ROBO2: variants seen among roughly 807,000 people sequenced by gnomAD.
ROBO2 encodes roundabout guidance receptor 2.
Under a neutral mutation model 160.8 loss-of-function variants are expected in ROBO2, and 53 were observed. The ratio of observed to expected loss-of-function variants is 0.33; its 90% CI spans 0.26 to 0.41. The LOEUF (loss-of-function observed/expected upper bound fraction) is 0.41. ROBO2 is among the 10% of genes least tolerant of loss of function. The pLI, the probability that ROBO2 is intolerant of heterozygous loss-of-function variation, is 1.00. For missense variants in ROBO2, 1,577 were observed against 1,722.4 expected, an observed-to-expected ratio of 0.92 and a Z score of 1.49; for synonymous variants, 664 against 611.7, an observed-to-expected ratio of 1.09 and a Z score of -1.26.
At chr3:76,742,095 C>A (rs1447491970) in intron 2 of ROBO2, among the ~76,000 whole-genome samples, 1 of 151,950 alleles carries the variant, frequency 6.6e-6, no homozygotes, top group Non-Finnish European at 1.5e-5. Flanking sequence ...ATTTGAATAC[C>A]TTCATGAGAG....
At chr3:77,494,791 A>G (rs114603635) in intron 5 of ROBO2, among the ~76,000 whole-genome samples, 225 of 152,344 alleles carry the variant, frequency 1.5e-3, no homozygotes, top group African/African-American at 5.2e-3. Flanking sequence ...CATGTCACTC[A>G]TGGATTGAAT....
chr3:76,293,511 C>T (rs1708911398), intron 2 of ROBO2, among the ~76,000 whole-genome samples: 1 of 152,096 alleles, frequency 6.6e-6, no homozygotes, highest in Non-Finnish European at 1.5e-5. Context: ...TGCAGAAATA[C>T]AGCCTTGAAT....
intron 1 of ROBO2, among the ~76,000 whole-genome samples, chr3:77,064,813 G>T (rs1011147117): frequency 6.6e-6 from 1 of 152,238 alleles, no homozygotes; most frequent in South Asian, 2.1e-4. Flanking sequence ...TGAGGGAAAA[G>T]GGAGAATGAA....
chr3:76,747,891 T>C (rs2093919472), intron 2 of ROBO2, among the ~76,000 whole-genome samples: 1 of 152,046 alleles, frequency 6.6e-6, no homozygotes, highest in Non-Finnish European at 1.5e-5. Flanking sequence ...GAAATTAGTT[T>C]ATGGGTTTAA....
intron 2 of ROBO2, among the ~76,000 whole-genome samples, chr3:77,250,892 A>T (rs781536930): frequency 2.0e-5 from 3 of 152,184 alleles, no homozygotes; most frequent in Non-Finnish European, 2.9e-5. Flanking sequence ...TTCATGACTT[A>T]ATCTCTTCTG....
At chr3:76,166,787 A>G (rs986741934) in intron 2 of ROBO2, among the ~76,000 whole-genome samples, 2 of 152,186 alleles carry the variant, frequency 1.3e-5, no homozygotes, top group Non-Finnish European at 2.9e-5. Flanking sequence ...ATAAATAAAT[A>G]TAATTCCTCA....
At chr3:76,035,656 A>G (rs1360746292) in intron 2 of ROBO2, among the ~76,000 whole-genome samples, 2 of 152,088 alleles carry the variant, frequency 1.3e-5, no homozygotes, top group African/African-American at 4.8e-5. Flanking sequence ...GTGCAATTAT[A>G]TAAAGGAATG....
intron 2 of ROBO2, among the ~76,000 whole-genome samples, chr3:75,952,776 C>G (rs1948594386): frequency 6.6e-6 from 1 of 151,878 alleles, no homozygotes; most frequent in Admixed American, 6.6e-5. Flanking sequence ...AAAATTCTTC[C>G]TTGCTCCATC....
chr3:77,240,232 G>A lies in ROBO2; in HGVS notation c.388+141892G>A, dbSNP rs577730032. Among the ~76,000 whole-genome samples, 34 of 152,220 alleles carry A rather than the reference G, an allele frequency of 2.2e-4. No homozygotes were observed. In the East Asian group the frequency reaches 4.1e-3, roughly 18 times the overall value. ...GGCTGCAGGTCCTGAGCCCTGCCCC[G>A]CAGGGAGGCAGCTGAGACCCGGCAA... On this transcript the variant is annotated intron_variant, in intron 2 of 25. Coordinates refer to ENST00000461745, the Ensembl canonical transcript of ROBO2.
At chr3:76,839,798 T>C (rs2068054445) in intron 2 of ROBO2, among the ~76,000 whole-genome samples, 1 of 152,212 alleles carries the variant, frequency 6.6e-6, no homozygotes, top group Non-Finnish European at 1.5e-5. Context: ...ATGGGTCTTG[T>C]GCTTTTCTTT....
intron 2 of ROBO2, among the ~76,000 whole-genome samples, chr3:76,789,637 G>T (rs946904406): frequency 1.3e-5 from 2 of 151,644 alleles, no homozygotes. Context: ...CAAAGAAGCT[G>T]CCCAAGTTCA....
At chr3:76,500,779 G>A (rs182214644) in intron 2 of ROBO2, among the ~76,000 whole-genome samples, 208 of 152,160 alleles carry the variant, frequency 1.4e-3, no homozygotes, top group African/African-American at 4.6e-3. Context: ...TGGTGATTTC[G>A]CGGTTCAAAA....
At chr3:77,381,744 T>G (rs2073497762) in intron 2 of ROBO2, among the ~76,000 whole-genome samples, 1 of 152,200 alleles carries the variant, frequency 6.6e-6, no homozygotes, top group African/African-American at 2.4e-5. Context: ...CTCAGAAAAT[T>G]CCATTTGCAT....
intron 2 of ROBO2, among the ~76,000 whole-genome samples, chr3:76,528,238 T>G (rs1418238041): frequency 6.6e-6 from 1 of 152,082 alleles, no homozygotes; most frequent in African/African-American, 2.4e-5. Flanking sequence ...AGGAATGACC[T>G]AATGTCACTA....
intron 2 of ROBO2, among the ~76,000 whole-genome samples, chr3:76,195,959 A>T (rs1206604901): frequency 6.6e-6 from 1 of 152,098 alleles, no homozygotes; most frequent in Non-Finnish European, 1.5e-5. Context: ...GGGGACCTAG[A>T]ACCCTCAAGA....
At chr3:76,285,230 T>G (rs1483273344) in intron 2 of ROBO2, among the ~76,000 whole-genome samples, 2 of 152,104 alleles carry the variant, frequency 1.3e-5, no homozygotes, top group African/African-American at 4.8e-5. Context: ...TGTCAGAAGG[T>G]TTTCTAAGCT....
At chr3:76,984,832 C>T (rs1294793583) in intron 2 of ROBO2, among the ~76,000 whole-genome samples, 2 of 151,950 alleles carry the variant, frequency 1.3e-5, no homozygotes, top group Non-Finnish European at 2.9e-5. Context: ...CACTATAATG[C>T]ATTTATTTGA....
At chr3:76,738,651 A>C (rs1385004550) in intron 2 of ROBO2, among the ~76,000 whole-genome samples, 1 of 152,160 alleles carries the variant, frequency 6.6e-6, no homozygotes, top group African/African-American at 2.4e-5. Context: ...GAAGTCATTG[A>C]TGACTTTGAT....
At chr3:76,576,513 A>G (rs1281504705) in intron 2 of ROBO2, among the ~76,000 whole-genome samples, 2 of 152,030 alleles carry the variant, frequency 1.3e-5, no homozygotes, top group Non-Finnish European at 2.9e-5. Flanking sequence ...AGTAGACCCC[A>G]TATCACTGGT....
Sources: gnomAD v4.1 joint callset for allele counts (sites outside exome capture counted in the v4.1 genomes callset) on GRCh38, gnomAD v4.1.1 for gene constraint, MANE v1.5 for transcripts, NCBI Gene and HGNC (gene_info 2026-07-23, HGNC 2026-07-21) for gene names.